Variants in ALPK1 observed in about 807,000 individuals in gnomAD.
ALPK1 encodes alpha kinase 1, also known as alpha-protein kinase 1.
A neutral mutation model predicts 120.6 loss-of-function variants in ALPK1; 110 were observed. The ratio of observed to expected loss-of-function variants is 0.91; its 90% CI spans 0.78 to 1.07. The LOEUF (loss-of-function observed/expected upper bound fraction) is 1.07, where lower values mean the gene tolerates loss of function less well. ALPK1 is among the 50% of genes least tolerant of loss of function. ALPK1 has a pLI of 0.00. For synonymous variants in ALPK1, 582 were observed against 560.3 expected (o/e 1.04, Z -0.55); for missense variants, 1,498 against 1,483.9 (o/e 1.01, Z -0.16).
At chr4:112,399,061 T>C (rs529688842) in intron 4 of ALPK1, among the ~76,000 whole-genome samples, 9 of 152,290 alleles carry the variant, frequency 5.9e-5, no homozygotes, top group African/African-American at 2.2e-4. Flanking sequence ...TGGCGGGCAA[T>C]TCCATATACA....
intron 1 of ALPK1, among the ~76,000 whole-genome samples, chr4:112,306,547 A>T (rs1366832160): frequency 2.0e-5 from 3 of 152,028 alleles, no homozygotes; most frequent in African/African-American, 7.3e-5. Context: ...AGAGGTGTTT[A>T]TAGTATTCTC....
At position 112,426,477 on chromosome 4, in the gene ALPK1, C is replaced by T. The variant is rs142293369; in HGVS notation, c.633C>T (p.Tyr211=). 48 of 1,604,168 alleles carry T rather than the reference C, an allele frequency of 3.0e-5. No homozygotes were observed. The highest frequency in any genetic ancestry group is 2.4e-4 in the Admixed American group (14 of 58,874). Residue 211 remains tyrosine, a synonymous_variant, in exon 8 of 16, where the codon TAC becomes TAT. Transcript: ENST00000650871. ...TCTTTTTTTTTTCAGGGATGTGGTA[C>T]GAAGCAGCAGAGTTAATATGGGCCT... ...GQILQKLGMW[Y]EAAELIWASI...
chr4:112,357,332 G>T, intron 2 of ALPK1: 1 of 838,650 alleles, frequency 1.2e-6, no homozygotes, highest in South Asian at 1.6e-5. Context: ...TGTGTTCAGT[G>T]TAGACCCCTC....
chr4:112,398,238 T>C (rs1290207547), intron 4 of ALPK1, among the ~76,000 whole-genome samples: 2 of 152,176 alleles, frequency 1.3e-5, no homozygotes, highest in Admixed American at 6.5e-5. Flanking sequence ...CAATGAAGTA[T>C]TAAGAGGCAA....
At chr4:112,359,570 C>T (rs1289825498) in intron 2 of ALPK1, 13 of 244,550 alleles carry the variant, frequency 5.3e-5, no homozygotes, top group African/African-American at 1.1e-4. Flanking sequence ...TGCTCACCCA[C>T]GGGGCTTCCC....
chr4:112,440,225 C>T (rs1364167768), intron 14 of ALPK1, among the ~76,000 whole-genome samples: 2 of 152,076 alleles, frequency 1.3e-5, no homozygotes, highest in African/African-American at 4.8e-5. Context: ...TTCCACTTTT[C>T]CTTTTCTCCA....
intron 4 of ALPK1, among the ~76,000 whole-genome samples, chr4:112,390,302 T>C (rs1732349847): frequency 6.6e-6 from 1 of 152,192 alleles, no homozygotes; most frequent in African/African-American, 2.4e-5. Flanking sequence ...TTAATTTCTG[T>C]GTATCTTTCC....
chr4:112,327,908 G>A (rs960313341), intron 2 of ALPK1, among the ~76,000 whole-genome samples: 3 of 152,174 alleles, frequency 2.0e-5, no homozygotes, highest in Non-Finnish European at 2.9e-5. Flanking sequence ...TATCTAACAA[G>A]ACAGTAGTTA....
chr4:112,377,869 A>C lies in ALPK1; in HGVS notation c.92A>C (p.Glu31Ala). ...LLLEAPDVSE[E>A]DKSEDQRCRA... The stretch of plus-strand genomic sequence containing the variant: ...TTGGAAGCGCCAGATGTGTCGGAAG[A>C]GGACAAGAGCGAGGACCAGCGCTGC... The change falls in exon 3 of 16, where the codon GAG becomes GCG. Residue 31 changes from glutamate to alanine, a missense_variant. Transcript: ENST00000650871. The C allele has an allele frequency of 1.9e-6, 3 of 1,613,312 alleles. No individual in the cohort carries two copies. The highest frequency in any genetic ancestry group is 2.5e-6 in the Non-Finnish European group (3 of 1,179,492).
chr4:112,411,849 T>G lies in ALPK1; in HGVS notation c.299T>G (p.Leu100Arg), dbSNP rs1733484435. The change falls in exon 5 of 16, where the codon CTC becomes CGC. Residue 100 changes from leucine to arginine, a missense_variant. By Grantham distance (102) the Leu-to-Arg change is moderately radical. Transcript: ENST00000650871. ...QLLASLRASI[L>R]ARDCAAAAAI... Reference sequence around the variant, plus strand: ...CAGGCGTCCCTGAGGGCCTCCATCCTCGCTCGGGACTGTGCGGCTGCGGCG... The same window carrying G: ...CAGGCGTCCCTGAGGGCCTCCATCCGCGCTCGGGACTGTGCGGCTGCGGCG... The G allele has an allele frequency of 1.9e-6, 3 of 1,612,994 alleles. No individual in the cohort carries two copies. In the South Asian group the frequency reaches 3.3e-5, roughly 18 times the overall value.
chr4:112,379,119 T>C (rs1002021670), intron 3 of ALPK1, among the ~76,000 whole-genome samples: 1 of 152,230 alleles, frequency 6.6e-6, no homozygotes, highest in African/African-American at 2.4e-5. Flanking sequence ...AGTTTTTCTC[T>C]CCCTTTTACT....
chr4:112,298,719 T>G (rs11722862), intron 1 of ALPK1, among the ~76,000 whole-genome samples: 4,942 of 152,306 alleles, frequency 0.032, 111 homozygotes, highest in Non-Finnish European at 0.05. Context: ...TATATAATAA[T>G]ACTGTGATGA....
chr4:112,369,155 G>A (rs998851604), intron 2 of ALPK1, among the ~76,000 whole-genome samples: 1 of 152,164 alleles, frequency 6.6e-6, no homozygotes, highest in Non-Finnish European at 1.5e-5. Flanking sequence ...CTTCCTCAAT[G>A]CTAGAAATAG....
chr4:112,338,758 G>T (rs576842456), intron 2 of ALPK1, among the ~76,000 whole-genome samples: 10 of 152,208 alleles, frequency 6.6e-5, no homozygotes, highest in Non-Finnish European at 1.2e-4. Flanking sequence ...CGTGAATATA[G>T]ATATTGCCAG....
At chr4:112,330,495 A>G (rs796418856) in intron 2 of ALPK1, among the ~76,000 whole-genome samples, 8 of 152,304 alleles carry the variant, frequency 5.3e-5, no homozygotes, top group African/African-American at 1.9e-4. Flanking sequence ...AATATTGGCT[A>G]CGGTCCTTGT....
chr4:112,395,837 A>G (rs1320809258), intron 4 of ALPK1, among the ~76,000 whole-genome samples: 1 of 132,462 alleles, frequency 7.5e-6, no homozygotes, highest in Non-Finnish European at 1.7e-5. Context: ...ATGGTCAGCT[A>G]TGATTACAAA....
intron 2 of ALPK1, chr4:112,358,662 A>G (rs566636341): frequency 4.8e-5 from 34 of 712,322 alleles, no homozygotes; most frequent in South Asian, 3.7e-4. Context: ...CAGGTGCTCC[A>G]CCCTGTCTCT....
At chr4:112,353,641 G>A (rs1005224889) in intron 2 of ALPK1, among the ~76,000 whole-genome samples, 1 of 152,140 alleles carries the variant, frequency 6.6e-6, no homozygotes, top group African/African-American at 2.4e-5. Flanking sequence ...GCCGAGGCAG[G>A]TGGATCACCT....
Position 112,411,883 on chromosome 4 carries a change from G to C in ALPK1, c.333G>C (p.Val111=). 1.2e-6 allele frequency: 2 copies of C among 1,614,022 alleles called. No homozygotes were observed. Among genetic ancestry groups the C allele is most frequent in the Non-Finnish European group, 1.7e-6 (2 of 1,179,996 alleles). ...ARDCAAAAAI[V]FLVDRFLYGL... ...ACTGTGCGGCTGCGGCGGCTATTGT[G>C]TTCTTGGTGGACCGGTTCCTGTATG... is the stretch of plus-strand genomic sequence containing the variant. Residue 111 remains valine, a synonymous_variant, in exon 5 of 16, where the codon GTG becomes GTC. Coordinates refer to ENST00000650871, the MANE Select transcript of ALPK1 (RefSeq NM_025144.4).
Sources: gnomAD v4.1 joint callset for allele counts (sites outside exome capture counted in the v4.1 genomes callset) on GRCh38, gnomAD v4.1.1 for gene constraint, MANE v1.5 for transcripts, NCBI Gene and HGNC (gene_info 2026-07-23, HGNC 2026-07-21) for gene names.